The following ATIC variants were observed in gnomAD, a reference collection of about 807,000 sequenced individuals.
The protein encoded by ATIC is bifunctional purine biosynthesis protein ATIC.
Under a neutral mutation model 72.5 loss-of-function variants are expected in ATIC, and 64 were observed. The observed-to-expected ratio is 0.88, with a 90% confidence interval of 0.72 to 1.09. ATIC has a LOEUF of 1.09. ATIC is among the 50% of genes least tolerant of loss of function. The pLI, the probability that ATIC is intolerant of heterozygous loss-of-function variation, is 0.00. For synonymous variants in ATIC, 281 were observed against 267.1 expected, an observed-to-expected ratio of 1.05 and a Z score of -0.51; for missense variants, 787 against 732.4, an observed-to-expected ratio of 1.07 and a Z score of -0.86.
intron 9 of ATIC, 116 bp from the exon 10 acceptor site, chr2:215,334,803 G>A (rs2052937259): frequency 2.5e-6 from 2 of 815,618 alleles, no homozygotes; most frequent in South Asian, 1.5e-5. Flanking sequence ...AAAATCTTAT[G>A]TAAACAGTAA....
intron 12 of ATIC, among the ~76,000 whole-genome samples, chr2:215,343,242 A>AT (rs1048563753): frequency 1.3e-5 from 2 of 151,340 alleles, no homozygotes; most frequent in African/African-American, 4.9e-5. Flanking sequence ...GATGTTGAAC[A>AT]TTTTTTTGTG....
intron 7 of ATIC, 116 bp downstream of exon 7, chr2:215,327,094 T>C: frequency 6.7e-7 from 1 of 1,500,994 alleles, no homozygotes. Flanking sequence ...ATGCCTCCTG[T>C]AGCCATCTGA....
intron 12 of ATIC, among the ~76,000 whole-genome samples, chr2:215,341,396 T>C (rs1030424237): frequency 6.6e-5 from 10 of 152,230 alleles, no homozygotes; most frequent in Non-Finnish European, 2.9e-5. Flanking sequence ...AATAATTTAG[T>C]GATCTTGATA....
At chr2:215,355,342 C>T in the ATIC span, among the ~76,000 whole-genome samples, 1 of 152,094 alleles carries the variant, frequency 6.6e-6, no homozygotes, top group Non-Finnish European at 1.5e-5. Context: ...GCATAATGAT[C>T]TTATGTCTGT....
intron 9 of ATIC, among the ~76,000 whole-genome samples, chr2:215,334,718 A>T (rs906018540): frequency 3.1e-4 from 47 of 152,208 alleles, no homozygotes; most frequent in African/African-American, 1.1e-3. Flanking sequence ...AAGTTTTCTG[A>T]GTGTCACTCT....
Position 215,326,845 on chromosome 2 carries a change from T to G in ATIC, c.555T>G (p.Tyr185Ter). The G allele has an allele frequency of 6.2e-7, 1 of 1,614,104 alleles. No homozygotes were observed. Among genetic ancestry groups the G allele is most frequent in the Non-Finnish European group, 8.5e-7 (1 of 1,180,038 alleles). Residue 185 changes from tyrosine (Y) to a stop codon, truncating the protein, a stop_gained, in exon 7 of 16, where the codon TAT (tyrosine) becomes TAG (stop). Coordinates refer to ENST00000236959, the MANE Select transcript of ATIC (RefSeq NM_004044.7). LOFTEE classifies it high-confidence loss of function. ...AGGCATTCACTCATACGGCACAATA[T>G]GATGAAGCAATTTCAGATTATTTCA... is the stretch of plus-strand genomic sequence containing the variant. ...ALKAFTHTAQ[Y>*]DEAISDYFRK...
the ATIC span, among the ~76,000 whole-genome samples, chr2:215,363,798 CATATT>C: frequency 6.6e-6 from 1 of 152,162 alleles, no homozygotes; most frequent in Non-Finnish European, 1.5e-5. Context: ...AATTTGAAAT[CATATT>C]AGAGAAAGGC....
At chr2:215,330,326 T>A (rs2052877157) in intron 7 of ATIC, among the ~76,000 whole-genome samples, 2 of 152,222 alleles carry the variant, frequency 1.3e-5, no homozygotes, top group Non-Finnish European at 2.9e-5. Flanking sequence ...GTTGGGGGAA[T>A]TATTTTTTCA....
chr2:215,343,656 T>G (rs1417394164), intron 12 of ATIC, among the ~76,000 whole-genome samples: 2 of 152,204 alleles, frequency 1.3e-5, no homozygotes, highest in African/African-American at 4.8e-5. Flanking sequence ...TTTTTAAAGT[T>G]TTTTTATGTT....
intron 9 of ATIC, among the ~76,000 whole-genome samples, chr2:215,334,092 A>T (rs1002915521): frequency 6.6e-6 from 1 of 150,882 alleles, no homozygotes; most frequent in Admixed American, 6.6e-5. Context: ...TGGAAACACA[A>T]TTGGAATTTG....
chr2:215,356,052 A>T, the ATIC span, among the ~76,000 whole-genome samples: 1 of 152,200 alleles, frequency 6.6e-6, no homozygotes, highest in East Asian at 1.9e-4. Flanking sequence ...AAGCTATGTG[A>T]TGTTTAGTGA....
In ATIC at chr2:215,347,416, T is replaced by A. The variant is rs1380313554; in HGVS notation, c.1503+475T>A. Among the ~76,000 whole-genome samples the A allele has an allele frequency of 2.0e-5, 3 of 152,292 alleles. No individual in the cohort carries two copies. The East Asian group carries it at 5.8e-4, about 29-fold the overall frequency. On this transcript the variant is annotated intron_variant, in intron 14 of 15. Coordinates refer to ENST00000236959, the MANE Select transcript of ATIC (RefSeq NM_004044.7). ...AATAACTTGATACATTTTGTTACAT[T>A]TCATGTTCTTCTGTTTGAAGAAGGT...
At chr2:215,346,701 C>G in intron 13 of ATIC, 58 bp from the exon 14 acceptor site, 1 of 1,588,886 alleles carries the variant, frequency 6.3e-7, no homozygotes, top group Admixed American at 1.7e-5. Flanking sequence ...ACAAAAGATC[C>G]TTTTGAGAAG....
At chr2:215,365,655 C>A in the ATIC span, 2 of 1,613,158 alleles carry the variant, frequency 1.2e-6, no homozygotes, top group South Asian at 2.2e-5. Flanking sequence ...AAAGTCAGGA[C>A]CAAAAAGTTA....
the ATIC span, among the ~76,000 whole-genome samples, chr2:215,365,199 G>A: frequency 6.6e-6 from 1 of 152,148 alleles, no homozygotes; most frequent in Non-Finnish European, 1.5e-5. Flanking sequence ...GGTCCAACGG[G>A]AAGATGGAAA....
At chr2:215,361,910 A>G in the ATIC span, 1 of 1,600,942 alleles carries the variant, frequency 6.2e-7, no homozygotes, top group African/African-American at 1.3e-5. Flanking sequence ...GAAGAAAGAT[A>G]CCTGTAGAAA....
At chr2:215,350,918 A>G (rs1316611666), downstream of ATIC, among the ~76,000 whole-genome samples, 1 of 152,110 alleles carries the variant, frequency 6.6e-6, no homozygotes, top group Non-Finnish European at 1.5e-5. Context: ...AAATTTCTGA[A>G]GTTTTTTCTT....
Position 215,317,877 on chromosome 2 carries a change from G to C in ATIC, c.147-280G>C, listed in dbSNP as rs140629301. On this transcript the variant is annotated intron_variant, in intron 2 of 15. Transcript: ENST00000236959. The stretch of plus-strand genomic sequence containing the variant: ...TTTAATGAGTATGGCTTATGATTCA[G>C]TTTCTAAATGCTCTGAAAATTATAA... Among the ~76,000 whole-genome samples the C allele has an allele frequency of 6.2e-4, 95 of 152,246 alleles. 3 individuals carry two copies. In the East Asian group the frequency reaches 0.017, roughly 28 times the overall value.
intron 7 of ATIC, among the ~76,000 whole-genome samples, chr2:215,331,420 T>C (rs941910276): frequency 6.6e-6 from 1 of 150,514 alleles, no homozygotes. Context: ...CTCGCTCTTG[T>C]TGGCCAGGCT....
Sources: allele counts gnomAD v4.1 joint callset (sites outside exome capture counted in the v4.1 genomes callset), GRCh38; gene constraint gnomAD v4.1.1; transcripts MANE v1.5; gene names NCBI Gene and HGNC (gene_info 2026-07-23, HGNC 2026-07-21).